The following ATRN variants were observed in gnomAD, a reference collection of about 807,000 sequenced individuals.
ATRN encodes the protein attractin.
In ATRN, 54 loss-of-function variants were observed where a neutral mutation model predicts 178.7. The observed-to-expected ratio is 0.30, with a 90% CI of 0.24 to 0.38. ATRN has a LOEUF of 0.38. Among genes scored for constraint, ATRN ranks in the 10% least tolerant of loss-of-function variants. The probability of loss-of-function intolerance (pLI) is 1.00; values close to 1 mark genes in which losing one functional copy is unlikely to be tolerated. For missense variants in ATRN, 1,443 were observed against 1,815.1 expected (o/e 0.79, Z 3.73); for synonymous variants, 636 against 663.0 (o/e 0.96, Z 0.63).
intron 24 of ATRN, among the ~76,000 whole-genome samples, chr20:3,618,519 A>C (rs761522995): frequency 6.6e-6 from 1 of 152,222 alleles, no homozygotes; most frequent in Non-Finnish European, 1.5e-5. Context: ...TAAATTGTTA[A>C]TGAGTGTGAT....
intron 2 of ATRN, among the ~76,000 whole-genome samples, chr20:3,535,626 C>CACACACACACACAT (rs1491226542): frequency 8.6e-5 from 10 of 115,842 alleles, no homozygotes; most frequent in Non-Finnish European, 1.6e-4. Context: ...CACACACACA[C>CACACACACACACAT]ATATATATTT....
At chr20:3,484,759 A>G (rs1263063189) in intron 1 of ATRN, among the ~76,000 whole-genome samples, 4 of 126,860 alleles carry the variant, frequency 3.2e-5, no homozygotes, top group Admixed American at 7.5e-5. Flanking sequence ...GATGCTTTAT[A>G]TTTCCAGTTT....
rs752637372 is a variant in ATRN at position 3,562,378 on chromosome 20, A to G, written c.1550A>G (p.His517Arg). 6.2e-7 allele frequency: 1 copy of G among 1,614,058 alleles called. No homozygotes were observed. The highest frequency in any genetic ancestry group is 8.5e-7 in the Non-Finnish European group (1 of 1,180,022). The change falls in exon 9 of 29, where the codon CAT (histidine) becomes CGT (arginine). Residue 517 changes from histidine (H) to arginine (R), a missense_variant. Around this residue, in one of 4 missense-constraint regions of ATRN, gnomAD observed 862 missense variants for 972.1 expected, o/e 0.89. Coordinates refer to ENST00000262919, the MANE Select transcript of ATRN (RefSeq NM_139321.3). Reference sequence around the variant, plus strand: ...CATAGGACCAGGGCCCTATACGTTCATGGTGGCTACAAGGCTTTCAGTGCC... The same window carrying G: ...CATAGGACCAGGGCCCTATACGTTCGTGGTGGCTACAAGGCTTTCAGTGCC... The part of the protein sequence containing the change: ...YDHRTRALYV[H>R]GGYKAFSANK...
At chr20:3,591,134 A>G (rs781616354) in intron 18 of ATRN, 35 bp from the exon 19 acceptor site, 3 of 1,561,402 alleles carry the variant, frequency 1.9e-6, no homozygotes, top group South Asian at 2.4e-5. Context: ...CAGTTCTTCC[A>G]TGGTACAGAC....
chr20:3,514,565 G>T (rs57391116), intron 1 of ATRN, among the ~76,000 whole-genome samples: 1 of 152,044 alleles, frequency 6.6e-6, no homozygotes, highest in African/African-American at 2.4e-5. Flanking sequence ...AGTATCATTC[G>T]CAACATTTAC....
At chr20:3,512,107 AT>A (rs755934394) in intron 1 of ATRN, among the ~76,000 whole-genome samples, 5,048 of 106,354 alleles carry the variant, frequency 0.047, 148 homozygotes, top group Middle Eastern at 0.076. Context: ...ATATATATAT[AT>A]TTTTTTTTTT....
At chr20:3,610,819 C>T (rs2086753597) in intron 24 of ATRN, among the ~76,000 whole-genome samples, 1 of 135,770 alleles carries the variant, frequency 7.4e-6, no homozygotes, top group African/African-American at 2.8e-5. Flanking sequence ...AACTCTCAAA[C>T]TCCTGGGCTC....
At chr20:3,590,504 C>G (rs1305634832) in intron 18 of ATRN, among the ~76,000 whole-genome samples, 1 of 152,142 alleles carries the variant, frequency 6.6e-6, no homozygotes, top group East Asian at 1.9e-4. Flanking sequence ...GCTTCATATA[C>G]CTTTCTAGTT....
chr20:3,508,623 C>T (rs2085079983), intron 1 of ATRN, among the ~76,000 whole-genome samples: 1 of 152,178 alleles, frequency 6.6e-6, no homozygotes, highest in Non-Finnish European at 1.5e-5. Context: ...TAATCACCGG[C>T]AGCCTTACAG....
intron 26 of ATRN, among the ~76,000 whole-genome samples, chr20:3,636,836 C>G (rs1450865398): frequency 1.3e-5 from 2 of 152,154 alleles, no homozygotes; most frequent in Admixed American, 6.5e-5. Flanking sequence ...AGTCATTCAG[C>G]TTTGTGCTAG....
At chr20:3,553,780 T>A (rs1176449105) in intron 6 of ATRN, among the ~76,000 whole-genome samples, 2 of 152,228 alleles carry the variant, frequency 1.3e-5, no homozygotes, top group African/African-American at 4.8e-5. Flanking sequence ...GCTGGTGTCT[T>A]CTCACCCTTT....
At chr20:3,476,359 C>G (rs920794228) in intron 1 of ATRN, among the ~76,000 whole-genome samples, 1 of 152,088 alleles carries the variant, frequency 6.6e-6, no homozygotes, top group Non-Finnish European at 1.5e-5. Flanking sequence ...TTTATTATAC[C>G]ATTTGGCGTC....
At chr20:3,529,835 A>G (rs1390712792) in intron 1 of ATRN, among the ~76,000 whole-genome samples, 1 of 152,200 alleles carries the variant, frequency 6.6e-6, no homozygotes, top group Non-Finnish European at 1.5e-5. Context: ...GTTGGAAGGA[A>G]TCAAATTGGT....
At chr20:3,594,041 G>C (rs1193062991) in intron 19 of ATRN, among the ~76,000 whole-genome samples, 1 of 152,128 alleles carries the variant, frequency 6.6e-6, no homozygotes, top group Non-Finnish European at 1.5e-5. Flanking sequence ...CGTGGAGAAG[G>C]CACCTCAGCC....
chr20:3,630,001 A>C (rs1172742553), intron 25 of ATRN, among the ~76,000 whole-genome samples: 1 of 152,160 alleles, frequency 6.6e-6, no homozygotes, highest in African/African-American at 2.4e-5. Context: ...TCTATTGGTG[A>C]CTGAACTCAT....
intron 1 of ATRN, among the ~76,000 whole-genome samples, chr20:3,492,934 ATAT>A (rs1264297165): frequency 4.1e-5 from 6 of 147,136 alleles, no homozygotes; most frequent in South Asian, 2.1e-4. Context: ...ATGTGGGTAT[ATAT>A]TATTTATTTA....
At chr20:3,586,339 A>T (rs1158379401) in intron 18 of ATRN, among the ~76,000 whole-genome samples, 1 of 152,246 alleles carries the variant, frequency 6.6e-6, no homozygotes. Context: ...GCAAAAGATT[A>T]TGCGTTGCAT....
intron 1 of ATRN, chr20:3,490,322 G>C (rs2084770718): frequency 9.8e-7 from 1 of 1,016,204 alleles, no homozygotes; most frequent in Non-Finnish European, 1.6e-6. Flanking sequence ...AGCGCTGCTT[G>C]TCTCTTTCGC....
chr20:3,522,573 C>T (rs746332627), intron 1 of ATRN, among the ~76,000 whole-genome samples: 4 of 152,214 alleles, frequency 2.6e-5, no homozygotes, highest in Non-Finnish European at 5.9e-5. Context: ...TGCTAAGGGA[C>T]AGACTGCCTC....
Sources: gnomAD v4.1 joint callset for allele counts (sites outside exome capture counted in the v4.1 genomes callset) on GRCh38, gnomAD v4.1.1 for gene constraint, gnomAD v4.1.1 regional missense constraint, MANE v1.5 for transcripts, NCBI Gene and HGNC (gene_info 2026-07-23, HGNC 2026-07-21) for gene names.